Variants in RALGPS2 observed in about 807,000 individuals in gnomAD.
RALGPS2 encodes the protein ras-specific guanine nucleotide-releasing factor RalGPS2.
RALGPS2 carries 43 observed loss-of-function variants against 86.8 expected under a neutral mutation model. The ratio of observed to expected loss-of-function variants is 0.50; its 90% CI spans 0.39 to 0.64. The LOEUF is 0.64. Ranked by LOEUF, RALGPS2 falls within the 30% of genes least tolerant of loss-of-function variation. The probability of loss-of-function intolerance (pLI) is 0.00; values close to 1 mark genes in which losing one functional copy is unlikely to be tolerated. For missense variants in RALGPS2, 536 were observed against 694.6 expected (o/e 0.77, Z 2.57); for synonymous variants, 243 against 231.3 (o/e 1.05, Z -0.46).
At chr1:178,738,405 C>G (rs186823448) in intron 1 of RALGPS2, among the ~76,000 whole-genome samples, 7 of 151,868 alleles carry the variant, frequency 4.6e-5, no homozygotes, top group Admixed American at 4.6e-4. Context: ...GACAGAGTTT[C>G]ACCATGTTGC....
At chr1:178,838,273 C>T (rs887171803) in intron 8 of RALGPS2, among the ~76,000 whole-genome samples, 10 of 152,212 alleles carry the variant, frequency 6.6e-5, no homozygotes, top group African/African-American at 1.9e-4. Flanking sequence ...GAGACACCCC[C>T]CAGTAGGGGC....
intron 8 of RALGPS2, chr1:178,865,845 T>C (rs1309814262): frequency 8.3e-7 from 1 of 1,207,588 alleles, no homozygotes; most frequent in Non-Finnish European, 1.2e-6. Context: ...GCAAAAAGAA[T>C]TCATATTAAT....
chr1:178,871,081 C>T (rs1009233639), intron 8 of RALGPS2: 1 of 152,106 alleles, frequency 6.6e-6, no homozygotes, highest in Non-Finnish European at 1.5e-5. Flanking sequence ...ATACAGTACC[C>T]CTGAATAGTG....
Position 178,745,862 on chromosome 1 carries a change from G to A in RALGPS2, c.-84+20443G>A, listed in dbSNP as rs570726485. ...TTTTTTTTTTGAGATTCATTCTGTC[G>A]CTCAGGCTGGAGGCAGTGGTGTGAT... is the stretch of plus-strand genomic sequence containing the variant. On this transcript the variant is annotated intron_variant, in intron 1 of 19. Coordinates refer to ENST00000367635, the MANE Select transcript of RALGPS2 (RefSeq NM_152663.5). Among the ~76,000 whole-genome samples, 267 of 119,902 alleles carry A rather than the reference G, an allele frequency of 2.2e-3. 3 individuals carry two copies. The highest frequency in any genetic ancestry group is 3.5e-3 in the Admixed American group (31 of 8,828). 78.7% of individuals were successfully genotyped at this position (119,902 alleles called of 152,430 possible). A position where few individuals can be genotyped will look rare whatever the true frequency, so the allele number is the denominator to read the frequency against.
At chr1:178,757,858 G>A (rs1316176140) in intron 1 of RALGPS2, among the ~76,000 whole-genome samples, 3 of 152,102 alleles carry the variant, frequency 2.0e-5, no homozygotes, top group Non-Finnish European at 4.4e-5. Flanking sequence ...GTAGGTTCAG[G>A]AAGACTGTTA....
intron 1 of RALGPS2, among the ~76,000 whole-genome samples, chr1:178,766,585 T>C (rs1652519096): frequency 6.6e-6 from 1 of 152,170 alleles, no homozygotes; most frequent in Non-Finnish European, 1.5e-5. Context: ...CAATCTCTTC[T>C]GGCTTGTAGG....
intron 12 of RALGPS2, among the ~76,000 whole-genome samples, 159 bp from the exon 13 acceptor site, chr1:178,885,810 T>C (rs1558170919): frequency 6.6e-6 from 1 of 152,206 alleles, no homozygotes; most frequent in Non-Finnish European, 1.5e-5. Flanking sequence ...GGGCCAGGTT[T>C]CCTAAAACAT....
At chr1:178,865,632 A>T (rs142483649) in intron 8 of RALGPS2, 1 of 1,613,948 alleles carries the variant, frequency 6.2e-7, no homozygotes, top group Non-Finnish European at 8.5e-7. Flanking sequence ...GTGTATGCAC[A>T]TTTCTTTGCT....
intron 1 of RALGPS2, among the ~76,000 whole-genome samples, chr1:178,741,249 C>T (rs1054292248): frequency 2.0e-5 from 3 of 152,154 alleles, no homozygotes; most frequent in Admixed American, 1.3e-4. Context: ...CCTGTATTAA[C>T]TCATTGGATG....
chr1:178,856,234 T>TATATATATATATATACAC (rs1368301659), intron 8 of RALGPS2, among the ~76,000 whole-genome samples: 9 of 128,772 alleles, frequency 7.0e-5, no homozygotes, highest in African/African-American at 2.2e-4. Flanking sequence ...TATATATATA[T>TATATATATATATATACAC]GGTTTTGGGT....
intron 1 of RALGPS2, among the ~76,000 whole-genome samples, chr1:178,772,726 G>C (rs1453894664): frequency 5.9e-5 from 9 of 152,194 alleles, no homozygotes; most frequent in African/African-American, 1.9e-4. Context: ...ATTATATTTG[G>C]AAGACTTAGG....
chr1:178,864,900 G>T, intron 8 of RALGPS2: 1 of 1,184,112 alleles, frequency 8.4e-7, no homozygotes, highest in Non-Finnish European at 1.1e-6. Context: ...TGTTTCATAA[G>T]GCATAAAAAT....
Position 178,892,265 on chromosome 1 carries a change from G to C in RALGPS2, c.1283G>C (p.Arg428Thr). 1 of 1,612,818 alleles carries C rather than the reference G, an allele frequency of 6.2e-7. No homozygotes were observed. The highest frequency in any genetic ancestry group is 8.5e-7 in the Non-Finnish European group (1 of 1,179,128). ...TACCATTCTCTCGGCCCGGTGACAAGAGTGGCACGAAATGGCTATCGAAGT... is the reference window on the plus strand; with the variant it reads ...TACCATTCTCTCGGCCCGGTGACAACAGTGGCACGAAATGGCTATCGAAGT... Reference protein sequence around the residue: ...RLYHSLGPVTRVARNGYRSHM... With the variant: ...RLYHSLGPVTTVARNGYRSHM... Residue 428 changes from arginine to threonine, a missense_variant, in exon 15 of 20, where the codon AGA becomes ACA. By Grantham distance (71) the Arg-to-Thr change is moderately conservative. Around this residue, in one of 3 missense-constraint regions of RALGPS2, gnomAD observed 309 missense variants for 363.0 expected, o/e 0.85. Coordinates refer to ENST00000367635, the MANE Select transcript of RALGPS2 (RefSeq NM_152663.5).
In RALGPS2 at chr1:178,893,642, C is replaced by G. The variant is rs959252927; in HGVS notation, c.1326-277C>G. Among the ~76,000 whole-genome samples the G allele has an allele frequency of 5.3e-5, 8 of 151,900 alleles. No individual in the cohort carries two copies. The highest frequency in any genetic ancestry group is 1.0e-4 in the Non-Finnish European group (7 of 67,880). On this transcript the variant is annotated intron_variant, in intron 15 of 19. Coordinates refer to ENST00000367635, the MANE Select transcript of RALGPS2 (RefSeq NM_152663.5). ...TCTTAAATTTTTAATTTAATATTTA[C>G]TAAAGTGAATTACTGCATTCTTTCT...
intron 4 of RALGPS2, among the ~76,000 whole-genome samples, chr1:178,792,271 C>T (rs1297117887): frequency 6.6e-6 from 1 of 152,134 alleles, no homozygotes; most frequent in Non-Finnish European, 1.5e-5. Context: ...AAAGTTCACT[C>T]ATATTTTGTT....
At chr1:178,866,828 G>C (rs543962091) in intron 8 of RALGPS2, among the ~76,000 whole-genome samples, 10 of 152,270 alleles carry the variant, frequency 6.6e-5, no homozygotes, top group Non-Finnish European at 1.3e-4. Flanking sequence ...CGTTTTTGCT[G>C]TAGCAGATGA....
intron 9 of RALGPS2, 101 bp downstream of exon 9, chr1:178,877,736 AT>A: frequency 7.3e-7 from 1 of 1,368,242 alleles, no homozygotes; most frequent in South Asian, 1.3e-5. Context: ...GGGGACATCA[AT>A]TTCTTATTTC....
intron 19 of RALGPS2, among the ~76,000 whole-genome samples, chr1:178,909,816 A>AT (rs1660551281): frequency 6.6e-6 from 1 of 151,268 alleles, no homozygotes; most frequent in African/African-American, 2.4e-5. Flanking sequence ...CGCCCAGCTA[A>AT]TTTTTTGTAT....
chr1:178,810,849 C>A (rs1654942414), intron 5 of RALGPS2, among the ~76,000 whole-genome samples: 1 of 151,814 alleles, frequency 6.6e-6, no homozygotes, highest in South Asian at 2.1e-4. Context: ...AGTGCTTTGA[C>A]TTTTTTTCAT....
Sources: gnomAD v4.1 joint callset for allele counts (sites outside exome capture counted in the v4.1 genomes callset) on GRCh38, gnomAD v4.1.1 for gene constraint, gnomAD v4.1.1 regional missense constraint, MANE v1.5 for transcripts, NCBI Gene and HGNC (gene_info 2026-07-23, HGNC 2026-07-21) for gene names.